GADL1: variants seen among roughly 807,000 people sequenced by gnomAD.
The protein encoded by GADL1 is acidic amino acid decarboxylase GADL1.
Under a neutral mutation model 69.5 loss-of-function variants are expected in GADL1, and 71 were observed. That is an observed-to-expected ratio of 1.02 (90% CI 0.84 to 1.25). The LOEUF is 1.25. Ranked by LOEUF, GADL1 falls within the 50% of genes most tolerant of loss-of-function variation. GADL1 has a pLI of 0.00. For synonymous variants in GADL1, 254 were observed against 214.4 expected, an observed-to-expected ratio of 1.18 and a Z score of -1.62; for missense variants, 737 against 631.8, an observed-to-expected ratio of 1.17 and a Z score of -1.79.
chr3:30,875,346 A>G (rs1698563199), intron 1 of GADL1, among the ~76,000 whole-genome samples: 1 of 151,886 alleles, frequency 6.6e-6, no homozygotes, highest in African/African-American at 2.4e-5. Flanking sequence ...TCTGATCAAA[A>G]TTCATATTCC....
At chr3:30,739,222 G>A (rs1695580953) in intron 14 of GADL1, among the ~76,000 whole-genome samples, 1 of 152,208 alleles carries the variant, frequency 6.6e-6, no homozygotes, top group Non-Finnish European at 1.5e-5. Flanking sequence ...GGGAGCCCAT[G>A]GCGTTATGCT....
At chr3:30,729,151 A>T (rs1695416056) in intron 14 of GADL1, among the ~76,000 whole-genome samples, 2 of 152,196 alleles carry the variant, frequency 1.3e-5, no homozygotes, top group Middle Eastern at 3.2e-3. Context: ...TAATCCAGAT[A>T]CACAGATTTT....
chr3:30,832,819 C>T (rs1293042745), intron 11 of GADL1, among the ~76,000 whole-genome samples: 1 of 151,970 alleles, frequency 6.6e-6, no homozygotes, highest in Admixed American at 6.6e-5. Context: ...TGAATACATT[C>T]AACTCTATCC....
chr3:30,751,660 T>C (rs1312788762), intron 14 of GADL1, among the ~76,000 whole-genome samples: 1 of 152,172 alleles, frequency 6.6e-6, no homozygotes, highest in Non-Finnish European at 1.5e-5. Flanking sequence ...ATTATCTCCC[T>C]ATAAGCCCAC....
chr3:30,817,931 A>T lies in GADL1; in HGVS notation c.1050+15922T>A, dbSNP rs145839678. On this transcript the variant is annotated intron_variant, in intron 11 of 14. Transcript: ENST00000282538. Reference sequence around the variant, plus strand: ...GAAGTGGTGAACTTCTTTCTGTGATAACTGCTATGGAACTGGAGATACGGA... The same window carrying T: ...GAAGTGGTGAACTTCTTTCTGTGATTACTGCTATGGAACTGGAGATACGGA... 2.8e-3 allele frequency among the ~76,000 whole-genome samples: 421 copies of T among 152,338 alleles called. 3 individuals carry two copies. Among genetic ancestry groups the T allele is most frequent in the African/African-American group, 9.8e-3 (409 of 41,576 alleles).
At chr3:30,839,641 G>T (rs913125358) in intron 8 of GADL1, among the ~76,000 whole-genome samples, 1 of 151,892 alleles carries the variant, frequency 6.6e-6, no homozygotes, top group Non-Finnish European at 1.5e-5. Context: ...TACAAATTCA[G>T]CATCAGAGGA....
chr3:30,825,971 A>G (rs2125519938), intron 11 of GADL1, among the ~76,000 whole-genome samples: 1 of 152,040 alleles, frequency 6.6e-6, no homozygotes, highest in East Asian at 1.9e-4. Context: ...TAATAAAATA[A>G]AAGGCAAAAA....
chr3:30,830,744 T>C (rs192881002), intron 11 of GADL1, among the ~76,000 whole-genome samples: 1 of 152,122 alleles, frequency 6.6e-6, no homozygotes, highest in African/African-American at 2.4e-5. Context: ...TTTTCTTAGA[T>C]TTGGGTCCAT....
intron 14 of GADL1, among the ~76,000 whole-genome samples, chr3:30,737,673 A>AATC (rs1477796614): frequency 6.6e-6 from 1 of 152,164 alleles, no homozygotes; most frequent in Admixed American, 6.5e-5. Context: ...TAGCCCATGA[A>AATC]ATCATGTGCA....
At chr3:30,770,373 A>G (rs146857429) in intron 14 of GADL1, among the ~76,000 whole-genome samples, 27 of 152,378 alleles carry the variant, frequency 1.8e-4, no homozygotes, top group African/African-American at 6.5e-4. Context: ...AACAGACGCT[A>G]AAGAAACAGA....
intron 14 of GADL1, among the ~76,000 whole-genome samples, chr3:30,767,178 C>T (rs552445164): frequency 3.3e-5 from 5 of 152,112 alleles, no homozygotes; most frequent in African/African-American, 9.7e-5. Context: ...GTAACTTGTT[C>T]ATGGTCATGC....
chr3:30,881,042 A>C (rs1698634160), intron 1 of GADL1, among the ~76,000 whole-genome samples: 1 of 151,916 alleles, frequency 6.6e-6, no homozygotes, highest in Admixed American at 6.6e-5. Context: ...TAAGGGTTAG[A>C]GATCAATCAC....
chr3:30,853,666 C>T (rs1265004841), intron 4 of GADL1, among the ~76,000 whole-genome samples: 3 of 152,154 alleles, frequency 2.0e-5, no homozygotes, highest in Admixed American at 6.5e-5. Flanking sequence ...ATGAACCTAG[C>T]TATGAAAGCC....
At chr3:30,826,134 A>AT (rs1418560853) in intron 11 of GADL1, among the ~76,000 whole-genome samples, 5 of 151,648 alleles carry the variant, frequency 3.3e-5, no homozygotes, top group African/African-American at 1.2e-4. Flanking sequence ...CCTTTCTTAG[A>AT]TTTTAATTTA....
chr3:30,859,093 C>G (rs762402031), intron 2 of GADL1, among the ~76,000 whole-genome samples: 1 of 151,602 alleles, frequency 6.6e-6, no homozygotes, highest in African/African-American at 2.4e-5. Context: ...GAGGTGGGGG[C>G]GGAGGCCAGA....
intron 9 of GADL1, among the ~76,000 whole-genome samples, chr3:30,838,088 C>T (rs1697902525): frequency 6.6e-6 from 1 of 151,998 alleles, no homozygotes; most frequent in Non-Finnish European, 1.5e-5. Context: ...GGTATATCCC[C>T]CCAAATGCTG....
intron 14 of GADL1, among the ~76,000 whole-genome samples, chr3:30,758,342 C>T (rs574616499): frequency 1.3e-5 from 2 of 152,134 alleles, no homozygotes; most frequent in Non-Finnish European, 2.9e-5. Flanking sequence ...CTGGGCTATT[C>T]TTTGCAGCCT....
intron 11 of GADL1, among the ~76,000 whole-genome samples, chr3:30,805,598 G>GATTCA (rs1479669514): frequency 1.3e-5 from 2 of 151,992 alleles, no homozygotes; most frequent in African/African-American, 4.8e-5. Flanking sequence ...GAATCCGTAG[G>GATTCA]TTGTATATTC....
Position 30,783,657 on chromosome 3 carries a change from C to T in GADL1, c.1302+2698G>A, listed in dbSNP as rs527495103. Among the ~76,000 whole-genome samples, 15 of 152,140 alleles carry T rather than the reference C, an allele frequency of 9.9e-5. No homozygotes were observed. The South Asian group carries it at 1.9e-3, about 19-fold the overall frequency. On this transcript the variant is annotated intron_variant, in intron 13 of 14. Transcript: ENST00000282538. Reference sequence around the variant, plus strand: ...ATTCTCAGTGTAATAAAAAGAAAAGCGGCAAATGCAGATCACATACAAAAA... The same window carrying T: ...ATTCTCAGTGTAATAAAAAGAAAAGTGGCAAATGCAGATCACATACAAAAA...
Sources: gnomAD v4.1 joint callset for allele counts (sites outside exome capture counted in the v4.1 genomes callset) on GRCh38, gnomAD v4.1.1 for gene constraint, MANE v1.5 for transcripts, NCBI Gene and HGNC (gene_info 2026-07-23, HGNC 2026-07-21) for gene names.